Variants in ASAP1 observed in about 807,000 individuals in gnomAD.
The protein encoded by ASAP1 is arf-GAP with SH3 domain, ANK repeat and PH domain-containing protein 1.
Under a neutral mutation model 145.2 loss-of-function variants are expected in ASAP1, and 43 were observed. That is an observed-to-expected ratio of 0.30 (90% confidence interval 0.23 to 0.38). ASAP1 has a LOEUF of 0.38. ASAP1 is among the 10% of genes least tolerant of loss of function. ASAP1 has a pLI of 1.00. For synonymous variants in ASAP1, 546 were observed against 515.5 expected, an observed-to-expected ratio of 1.06 and a Z score of -0.80; for missense variants, 1,018 against 1,355.3, an observed-to-expected ratio of 0.75 and a Z score of 3.91.
chr8:130,300,139 C>CAGAGAGAG (rs1822540827), intron 3 of ASAP1, among the ~76,000 whole-genome samples: 1 of 118,508 alleles, frequency 8.4e-6, no homozygotes, highest in African/African-American at 3.8e-5. Flanking sequence ...CACACACACA[C>CAGAGAGAG]ACACACACAC....
At chr8:130,103,790 A>C (rs2097532704) in intron 24 of ASAP1, among the ~76,000 whole-genome samples, 1 of 152,232 alleles carries the variant, frequency 6.6e-6, no homozygotes, top group East Asian at 1.9e-4. Flanking sequence ...CTGGGATTAC[A>C]GGCGTAAGCC....
At chr8:130,298,535 C>T (rs1242134845) in intron 3 of ASAP1, among the ~76,000 whole-genome samples, 6 of 152,224 alleles carry the variant, frequency 3.9e-5, no homozygotes, top group Non-Finnish European at 5.9e-5. Flanking sequence ...ATTCTCCACA[C>T]TGCAGTCACA....
chr8:130,431,930 GAGA>G (rs1361932250), intron 1 of ASAP1, among the ~76,000 whole-genome samples: 1 of 131,890 alleles, frequency 7.6e-6, no homozygotes, highest in African/African-American at 2.9e-5. Context: ...GAGAGGAAGG[GAGA>G]GGAGGAGGAG....
chr8:130,298,637 T>C (rs1447190838), intron 3 of ASAP1, among the ~76,000 whole-genome samples: 1 of 152,232 alleles, frequency 6.6e-6, no homozygotes, highest in Non-Finnish European at 1.5e-5. Flanking sequence ...GCCCCCCATC[T>C]TTCCAGGCTC....
At chr8:130,115,228 C>G (rs748904426) in intron 23 of ASAP1, among the ~76,000 whole-genome samples, 1 of 152,188 alleles carries the variant, frequency 6.6e-6, no homozygotes, top group Non-Finnish European at 1.5e-5. Context: ...ACCTAATCAG[C>G]CAAAGAAAGG....
intron 1 of ASAP1, among the ~76,000 whole-genome samples, chr8:130,415,091 G>A (rs1055455210): frequency 1.3e-5 from 2 of 152,242 alleles, no homozygotes; most frequent in African/African-American, 4.8e-5. Context: ...CTAGTGCACA[G>A]CAGGTGCTCA....
At chr8:130,297,746 G>A (rs150522679) in intron 3 of ASAP1, among the ~76,000 whole-genome samples, 1 of 152,350 alleles carries the variant, frequency 6.6e-6, no homozygotes, top group African/African-American at 2.4e-5. Flanking sequence ...AGCAGAGGTA[G>A]AGCTGGAAGA....
At chr8:130,394,025 T>TTG (rs1828404783) in intron 2 of ASAP1, among the ~76,000 whole-genome samples, 7 of 152,160 alleles carry the variant, frequency 4.6e-5, no homozygotes, top group African/African-American at 1.7e-4. Context: ...AGGATGTATG[T>TTG]CAACTCAGGA....
chr8:130,223,789 C>T (rs995301100), intron 4 of ASAP1, among the ~76,000 whole-genome samples: 1 of 152,096 alleles, frequency 6.6e-6, no homozygotes, highest in African/African-American at 2.4e-5. Flanking sequence ...AGCCTAGCCT[C>T]TCTTCCAAGG....
intron 3 of ASAP1, among the ~76,000 whole-genome samples, chr8:130,302,401 G>A (rs1215431498): frequency 1.3e-5 from 2 of 152,166 alleles, no homozygotes; most frequent in Non-Finnish European, 2.9e-5. Flanking sequence ...TATCTCAAAG[G>A]CAGAAAGAGA....
chr8:130,138,348 G>A (rs557800740), intron 13 of ASAP1, among the ~76,000 whole-genome samples: 3 of 152,186 alleles, frequency 2.0e-5, no homozygotes, highest in Admixed American at 6.5e-5. Flanking sequence ...ACTGCTTTAG[G>A]GGAGGAAGTG....
At chr8:130,413,885 G>GATTCATTCATTC (rs58479009) in intron 1 of ASAP1, among the ~76,000 whole-genome samples, 15 of 151,460 alleles carry the variant, frequency 9.9e-5, no homozygotes, top group Admixed American at 3.9e-4. Flanking sequence ...TATTTTGCCA[G>GATTCATTCATTC]ATTCATTCAT....
chr8:130,117,535 G>A (rs1423177898), intron 20 of ASAP1, among the ~76,000 whole-genome samples: 1 of 152,098 alleles, frequency 6.6e-6, no homozygotes, highest in Non-Finnish European at 1.5e-5. Flanking sequence ...TTCTTTAGAT[G>A]AGCTCTAGTT....
intron 3 of ASAP1, among the ~76,000 whole-genome samples, chr8:130,356,436 T>A (rs1826311340): frequency 6.6e-6 from 1 of 152,122 alleles, no homozygotes; most frequent in Non-Finnish European, 1.5e-5. Flanking sequence ...ATGTTTCAAT[T>A]TATTACAATT....
intron 4 of ASAP1, among the ~76,000 whole-genome samples, chr8:130,228,050 A>T (rs1817687166): frequency 1.3e-5 from 2 of 152,202 alleles, no homozygotes; most frequent in African/African-American, 4.8e-5. Context: ...GGGTATAAAC[A>T]GTGCATTTTA....
At chr8:130,278,427 C>A (rs1821052914) in intron 3 of ASAP1, among the ~76,000 whole-genome samples, 1 of 151,982 alleles carries the variant, frequency 6.6e-6, no homozygotes, top group African/African-American at 2.4e-5. Flanking sequence ...ATGAACTGCA[C>A]TTTTTGTTGA....
intron 4 of ASAP1, among the ~76,000 whole-genome samples, chr8:130,218,155 TTCTG>T (rs1286946075): frequency 6.6e-6 from 1 of 151,964 alleles, no homozygotes; most frequent in Non-Finnish European, 1.5e-5. Flanking sequence ...TCCTGATACC[TTCTG>T]TCTGAGGCCA....
intron 18 of ASAP1, among the ~76,000 whole-genome samples, chr8:130,119,976 G>A (rs1187927244): frequency 6.6e-6 from 1 of 152,178 alleles, no homozygotes; most frequent in African/African-American, 2.4e-5. Context: ...GTTTCCAACA[G>A]CCCACAGTCA....
At chr8:130,431,106 A>T (rs1830119589) in intron 1 of ASAP1, among the ~76,000 whole-genome samples, 1 of 152,162 alleles carries the variant, frequency 6.6e-6, no homozygotes, top group Non-Finnish European at 1.5e-5. Context: ...GCCAGAAATC[A>T]GTGTCATGGC....
Sources: allele counts gnomAD v4.1 joint callset (sites outside exome capture counted in the v4.1 genomes callset), GRCh38; gene constraint gnomAD v4.1.1; transcripts MANE v1.5; gene names NCBI Gene and HGNC (gene_info 2026-07-23, HGNC 2026-07-21).